The following CLIP4 variants were observed in gnomAD, a reference collection of about 807,000 sequenced individuals.
The protein encoded by CLIP4 is CAP-Gly domain containing linker protein family member 4.
In CLIP4, 47 loss-of-function variants were observed where a neutral mutation model predicts 73.1. The observed-to-expected ratio is 0.64, with a 90% CI of 0.51 to 0.82. The LOEUF is 0.82. CLIP4 is among the 40% of genes least tolerant of loss of function. CLIP4 has a pLI of 0.00. For synonymous variants in CLIP4, 306 were observed against 295.4 expected (o/e 1.04, Z -0.37); for missense variants, 874 against 852.9 (o/e 1.02, Z -0.31).
chr2:29,127,085 A>G (rs1664656134), intron 2 of CLIP4, among the ~76,000 whole-genome samples: 1 of 152,172 alleles, frequency 6.6e-6, no homozygotes, highest in Non-Finnish European at 1.5e-5. Context: ...TGTCTCATTA[A>G]GCTGGCCTGA....
chr2:29,175,051 CTATGAA>C (rs747512084), intron 15 of CLIP4, among the ~76,000 whole-genome samples: 16 of 152,076 alleles, frequency 1.1e-4, no homozygotes, highest in Non-Finnish European at 1.9e-4. Flanking sequence ...GCCAGTTAAT[CTATGAA>C]TAATACCCTG....
chr2:29,121,574 G>A, intron 2 of CLIP4, 53 bp downstream of exon 2: 1 of 1,592,684 alleles, frequency 6.3e-7, no homozygotes, highest in South Asian at 1.1e-5. Context: ...TGACTTCTCT[G>A]TTACGCCTTT....
At chr2:29,156,535 T>C (rs1666936350) in intron 10 of CLIP4, 92 bp downstream of exon 10, 3 of 935,786 alleles carry the variant, frequency 3.2e-6, no homozygotes, top group Non-Finnish European at 4.8e-6. Context: ...GAGGTTAAGT[T>C]TTAAAGTTGG....
chr2:29,135,975 A>C (rs190452124), intron 6 of CLIP4, among the ~76,000 whole-genome samples: 4 of 152,198 alleles, frequency 2.6e-5, no homozygotes, highest in African/African-American at 9.6e-5. Context: ...TTAAGTAGCA[A>C]TACATATATT....
intron 3 of CLIP4, chr2:29,131,813 G>A: frequency 3.6e-6 from 1 of 277,736 alleles, no homozygotes; most frequent in East Asian, 7.9e-5. Context: ...CCAGTATGTT[G>A]CTGTGTTGTA....
intron 8 of CLIP4, among the ~76,000 whole-genome samples, chr2:29,150,293 G>A (rs998213557): frequency 3.3e-5 from 5 of 152,144 alleles, no homozygotes; most frequent in Non-Finnish European, 5.9e-5. Context: ...TGAAGAGAAA[G>A]TACAAAAAGG....
At chr2:29,167,299 A>C (rs189642189) in intron 13 of CLIP4, among the ~76,000 whole-genome samples, 177 bp from the exon 14 acceptor site, 1 of 152,118 alleles carries the variant, frequency 6.6e-6, no homozygotes, top group Non-Finnish European at 1.5e-5. Flanking sequence ...AACCTCTTCT[A>C]TTTAATTATT....
intron 1 of CLIP4, among the ~76,000 whole-genome samples, chr2:29,116,803 G>A (rs1663885937): frequency 6.6e-6 from 1 of 152,194 alleles, no homozygotes; most frequent in South Asian, 2.1e-4. Context: ...TTTTGTAGAA[G>A]ATTTAGCCCA....
Position 29,152,798 on chromosome 2 carries a change from G to C in CLIP4, c.1135G>C (p.Val379Leu). The change falls in exon 9 of 16, where the codon GTA becomes CTA. Residue 379 changes from valine to leucine, a missense_variant. Transcript: ENST00000320081. Reference protein sequence around the residue: ...VPLIRSQKIDVAHVTSKVNTG... With the variant: ...VPLIRSQKIDLAHVTSKVNTG... ...TCTCATCAGGTCCCAGAAAATTGAC[G>C]TAGCTCATGTGACGTCAAAAGTAAA... 1 of 1,613,640 alleles carries C rather than the reference G, an allele frequency of 6.2e-7. No homozygotes were observed. The highest frequency in any genetic ancestry group is 8.5e-7 in the Non-Finnish European group (1 of 1,179,758).
In CLIP4 at chr2:29,181,658, A is replaced by T; in HGVS notation, c.1883A>T (p.Gln628Leu). The T allele has an allele frequency of 6.2e-7, 1 of 1,614,160 alleles. No individual in the cohort carries two copies. Among genetic ancestry groups the T allele is most frequent in the Non-Finnish European group, 8.5e-7 (1 of 1,180,006 alleles). The change falls in exon 16 of 16, where the codon CAG becomes CTG. Residue 628 changes from glutamine to leucine, a missense_variant. By Grantham distance (113) the Gln-to-Leu change is moderately radical. Transcript: ENST00000320081. ...EGSVKLHEGSQVLLTSSNEMG... is the reference protein window; with the variant it reads ...EGSVKLHEGSLVLLTSSNEMG... ...AGCGTGAAGCTGCACGAGGGGTCTC[A>T]GGTCCTGCTCACGAGCTCCAATGAG...
intron 3 of CLIP4, 129 bp from the exon 4 acceptor site, chr2:29,132,023 A>T: frequency 1.5e-6 from 1 of 647,276 alleles, no homozygotes; most frequent in Non-Finnish European, 2.7e-6. Flanking sequence ...AGATATGCTC[A>T]TACTGTCTAT....
chr2:29,164,206 T>C (rs1667462296), intron 13 of CLIP4, among the ~76,000 whole-genome samples: 1 of 152,184 alleles, frequency 6.6e-6, no homozygotes, highest in South Asian at 2.1e-4. Context: ...CTATTAGAAG[T>C]GGCGTTTGCA....
intron 2 of CLIP4, 75 bp downstream of exon 2, chr2:29,121,596 A>G (rs966771763): frequency 5.3e-6 from 8 of 1,502,730 alleles, no homozygotes; most frequent in African/African-American, 1.4e-5. Flanking sequence ...TTGCACTCAT[A>G]GTCTTTCTTA....
chr2:29,121,576 T>TA, intron 2 of CLIP4, 55 bp downstream of exon 2: 2 of 1,590,542 alleles, frequency 1.3e-6, no homozygotes, highest in Non-Finnish European at 1.7e-6. Context: ...ACTTCTCTGT[T>TA]ACGCCTTTTT....
At chr2:29,153,352 C>A (rs1408226148) in intron 9 of CLIP4, among the ~76,000 whole-genome samples, 1 of 152,086 alleles carries the variant, frequency 6.6e-6, no homozygotes, top group East Asian at 1.9e-4. Flanking sequence ...TTTCTTACTC[C>A]TCCCTTCATA....
In CLIP4 at chr2:29,115,701, G is replaced by T. The variant is rs1353015187; in HGVS notation, c.-16+36G>T. 1 of 147,850 alleles carries T rather than the reference G, an allele frequency of 6.8e-6. No individual in the cohort carries two copies. The highest frequency in any genetic ancestry group is 2.0e-4 in the East Asian group (1 of 5,080). 9.2% of individuals were successfully genotyped at this position (147,850 alleles called of 1,614,324 possible). A position where few individuals can be genotyped will look rare whatever the true frequency, so the allele number is the denominator to read the frequency against. The stretch of plus-strand genomic sequence containing the variant: ...GGCGCGCGGGGCCCCCCCGGGCCGC[G>T]GGCTGGCCGGCGGCGGGGTTGGGGC... On this transcript the variant is annotated intron_variant, in intron 1 of 15. Coordinates refer to ENST00000320081, the MANE Select transcript of CLIP4 (RefSeq NM_024692.6). This position sits in a 1 kb window ranked among gnomAD's most constrained non-coding sequence, Gnocchi z 5.1.
At chr2:29,124,042 A>G (rs1664434743) in intron 2 of CLIP4, among the ~76,000 whole-genome samples, 1 of 152,186 alleles carries the variant, frequency 6.6e-6, no homozygotes. Flanking sequence ...AATTTAAATA[A>G]TATAAAAAAA....
At chr2:29,135,409 T>C (rs1665280796) in intron 5 of CLIP4, 139 bp from the exon 6 acceptor site, 1 of 479,132 alleles carries the variant, frequency 2.1e-6, no homozygotes, top group Non-Finnish European at 3.6e-6. Flanking sequence ...TTTTGTTCTG[T>C]TGTGAAATCA....
At position 29,145,300 on chromosome 2, in the gene CLIP4, T is replaced by C. The variant is rs376518616; in HGVS notation, c.954T>C (p.Asp318=). ...GGCAGTGGGCTGGCATTGAACTGGA[T>C]GAACCAGAAGGAAAAAATAATGGAA... The part of the protein sequence containing the change: ...ASGQWAGIEL[D]EPEGKNNGSV... The change falls in exon 8 of 16, where the codon GAT becomes GAC. Residue 318 remains aspartate (D), a synonymous_variant. Coordinates refer to ENST00000320081, the MANE Select transcript of CLIP4 (RefSeq NM_024692.6). 25 of 1,613,692 alleles carry C rather than the reference T, an allele frequency of 1.5e-5. No individual in the cohort carries two copies. The African/African-American group carries it at 3.2e-4, about 21-fold the overall frequency.
Sources: allele counts gnomAD v4.1 joint callset (sites outside exome capture counted in the v4.1 genomes callset), GRCh38; gene constraint gnomAD v4.1.1; non-coding constraint Gnocchi (gnomAD v3.1); transcripts MANE v1.5; gene names NCBI Gene and HGNC (gene_info 2026-07-23, HGNC 2026-07-21).